The following ABCA13 variants were observed in gnomAD, a reference collection of about 807,000 sequenced individuals.
ABCA13 encodes the protein ATP binding cassette subfamily A member 13.
A neutral mutation model predicts 478.7 loss-of-function variants in ABCA13; 476 were observed. The observed-to-expected ratio is 0.99, with a 90% CI of 0.92 to 1.07. ABCA13 has a LOEUF of 1.07. Among genes scored for constraint, ABCA13 ranks in the 50% least tolerant of loss-of-function variants. The probability of loss-of-function intolerance (pLI) is 0.00; values close to 1 mark genes in which losing one functional copy is unlikely to be tolerated. For synonymous variants in ABCA13, 2,252 were observed against 2,158.9 expected, an observed-to-expected ratio of 1.04 and a Z score of -1.20; for missense variants, 6,060 against 5,910.6, an observed-to-expected ratio of 1.03 and a Z score of -0.83.
At chr7:48,258,851 T>G (rs1355755793) in intron 15 of ABCA13, among the ~76,000 whole-genome samples, 1 of 152,216 alleles carries the variant, frequency 6.6e-6, no homozygotes, top group African/African-American at 2.4e-5. Flanking sequence ...TATTTCTGCC[T>G]TAATTTTATT....
At chr7:48,517,363 C>G (rs1207069042) in intron 52 of ABCA13, among the ~76,000 whole-genome samples, 1 of 152,166 alleles carries the variant, frequency 6.6e-6, no homozygotes, top group Non-Finnish European at 1.5e-5. Context: ...ACCCTCTTCT[C>G]TGGGATTTCT....
intron 15 of ABCA13, among the ~76,000 whole-genome samples, chr7:48,256,862 G>A (rs914399697): frequency 1.3e-5 from 2 of 152,058 alleles, no homozygotes; most frequent in Admixed American, 6.6e-5. Context: ...GAATGTCATC[G>A]GTAGTTTGTT....
chr7:48,636,767 C>T (rs994915981), intron 59 of ABCA13, among the ~76,000 whole-genome samples: 1 of 152,178 alleles, frequency 6.6e-6, no homozygotes, highest in African/African-American at 2.4e-5. Context: ...CCTGCATCCT[C>T]AGCTGTTTCC....
intron 48 of ABCA13, among the ~76,000 whole-genome samples, chr7:48,499,382 A>G (rs1830543758): frequency 6.6e-6 from 1 of 152,244 alleles, no homozygotes; most frequent in South Asian, 2.1e-4. Flanking sequence ...AGATGCTTAC[A>G]GACATCTGGG....
chr7:48,341,202 A>G (rs1389993352), intron 29 of ABCA13, among the ~76,000 whole-genome samples: 1 of 152,154 alleles, frequency 6.6e-6, no homozygotes, highest in East Asian at 1.9e-4. Context: ...TCTTGCTACT[A>G]CATGAAACAC....
chr7:48,489,378 C>G (rs1374218343), intron 48 of ABCA13, 34 bp downstream of exon 48: 2 of 1,486,640 alleles, frequency 1.3e-6, no homozygotes, highest in Non-Finnish European at 1.8e-6. Context: ...TAATTCACTA[C>G]TTTCAAAAGA....
At chr7:48,384,672 G>T (rs73697159) in intron 35 of ABCA13, among the ~76,000 whole-genome samples, 4,045 of 152,234 alleles carry the variant, frequency 0.027, 188 homozygotes, top group African/African-American at 0.092. Flanking sequence ...GCTTTGCAAG[G>T]TTCTTGGAGG....
chr7:48,411,546 G>C (rs1391265870), intron 40 of ABCA13, among the ~76,000 whole-genome samples: 1 of 152,072 alleles, frequency 6.6e-6, no homozygotes, highest in Non-Finnish European at 1.5e-5. Flanking sequence ...GACCTCAGGT[G>C]ATCCACCAAC....
intron 1 of ABCA13, among the ~76,000 whole-genome samples, chr7:48,174,655 A>G (rs921381901): frequency 6.6e-6 from 1 of 152,176 alleles, no homozygotes; most frequent in Non-Finnish European, 1.5e-5. Flanking sequence ...AAACAGTACT[A>G]AAACAAAAGA....
intron 2 of ABCA13, among the ~76,000 whole-genome samples, chr7:48,196,027 CA>C (rs1437383729): frequency 1.3e-5 from 2 of 151,714 alleles, no homozygotes; most frequent in Non-Finnish European, 2.9e-5. Context: ...CAAAACAGGG[CA>C]AAAAAAGCTT....
At position 48,176,380 on chromosome 7, in the gene ABCA13, G is replaced by T. The variant is rs567904128; in HGVS notation, c.69+4828G>T. ...TCTCTCCCAACCATGGGCTGGAAGA[G>T]GATAATGGAAACAACAAAACTACAC... On this transcript the variant is annotated intron_variant, in intron 1 of 61. Coordinates refer to ENST00000435803, the MANE Select transcript of ABCA13 (RefSeq NM_152701.5). Among the ~76,000 whole-genome samples, 7 of 152,228 alleles carry T rather than the reference G, an allele frequency of 4.6e-5. No individual in the cohort carries two copies. The East Asian group carries it at 1.4e-3, about 29-fold the overall frequency.
chr7:48,455,345 A>G, intron 43 of ABCA13, 59 bp downstream of exon 43: 1 of 1,521,982 alleles, frequency 6.6e-7, no homozygotes, highest in Non-Finnish European at 8.9e-7. Context: ...ATGAATTGCA[A>G]TAGCTTCGAT....
chr7:48,544,463 G>A (rs1784632976), intron 55 of ABCA13, among the ~76,000 whole-genome samples: 1 of 151,700 alleles, frequency 6.6e-6, no homozygotes, highest in African/African-American at 2.4e-5. Context: ...ATGAGACGCT[G>A]AAGGTTAAGT....
intron 32 of ABCA13, among the ~76,000 whole-genome samples, chr7:48,369,785 G>A (rs542748246): frequency 2.6e-4 from 39 of 152,128 alleles, no homozygotes; most frequent in Non-Finnish European, 3.5e-4. Context: ...TGCTATTTTG[G>A]TGACTATGTC....
chr7:48,182,622 A>G (rs765364866), intron 1 of ABCA13, among the ~76,000 whole-genome samples: 1 of 152,194 alleles, frequency 6.6e-6, no homozygotes, highest in Non-Finnish European at 1.5e-5. Context: ...AAAAGCAATT[A>G]TTTTTCAATA....
intron 7 of ABCA13, among the ~76,000 whole-genome samples, chr7:48,232,054 C>A (rs1347017016): frequency 6.6e-6 from 1 of 151,244 alleles, no homozygotes; most frequent in Non-Finnish European, 1.5e-5. Context: ...AACATGAAAC[C>A]CTCTATGGCC....
chr7:48,215,214 G>T (rs757016419), intron 3 of ABCA13, among the ~76,000 whole-genome samples: 21 of 152,172 alleles, frequency 1.4e-4, no homozygotes, highest in Non-Finnish European at 2.4e-4. Context: ...GTCATTGTAG[G>T]GTTATTAATT....
intron 16 of ABCA13, among the ~76,000 whole-genome samples, chr7:48,271,083 A>G (rs1795543099): frequency 1.3e-5 from 2 of 152,194 alleles, no homozygotes; most frequent in Admixed American, 1.3e-4. Context: ...TACCTGTATC[A>G]TGCTACATTT....
chr7:48,279,934 T>G lies in ABCA13; in HGVS notation c.8726+14T>G. The G allele has an allele frequency of 6.7e-7, 1 of 1,503,700 alleles. No individual in the cohort carries two copies. Among genetic ancestry groups the G allele is most frequent in the South Asian group, 1.4e-5 (1 of 69,734 alleles). The allele number at this position is 1,503,700 out of a possible 1,614,324, so 93.1% of individuals were successfully genotyped here. On this transcript the variant is annotated intron_variant, in intron 18 of 61. Coordinates refer to ENST00000435803, the MANE Select transcript of ABCA13 (RefSeq NM_152701.5). Reference sequence around the variant, plus strand: ...AACAGATCAAAGGTAATTAAAAAGCTGAATTCACTTTGTTTTTTTCTCTAC... The same window carrying G: ...AACAGATCAAAGGTAATTAAAAAGCGGAATTCACTTTGTTTTTTTCTCTAC...
Sources: gnomAD v4.1 joint callset for allele counts (sites outside exome capture counted in the v4.1 genomes callset) on GRCh38, gnomAD v4.1.1 for gene constraint, MANE v1.5 for transcripts, NCBI Gene and HGNC (gene_info 2026-07-23, HGNC 2026-07-21) for gene names.